Variants in PWWP2A observed in about 807,000 individuals in gnomAD.
PWWP2A encodes the protein PWWP domain-containing protein 2A.
PWWP2A carries 18 observed loss-of-function variants against 48.5 expected under a neutral mutation model. The observed-to-expected ratio is 0.37, with a 90% CI of 0.26 to 0.55. PWWP2A has a LOEUF of 0.55. PWWP2A is among the 20% of genes least tolerant of loss of function. The pLI is 0.81. For synonymous variants in PWWP2A, 396 were observed against 387.7 expected (o/e 1.02, Z -0.25); for missense variants, 867 against 976.4 (o/e 0.89, Z 1.49).
At chr5:160,048,215 G>A in the PWWP2A span, among the ~76,000 whole-genome samples, 5 of 128,158 alleles carry the variant, frequency 3.9e-5, no homozygotes, top group African/African-American at 1.2e-4. Context: ...TGATGCAATC[G>A]CCACTCACTG....
chr5:160,064,002 T>C, intron 4 of PWWP2A, among the ~76,000 whole-genome samples: 1 of 128,210 alleles, frequency 7.8e-6, no homozygotes, highest in African/African-American at 3.0e-5. Context: ...GGAGTCTCAC[T>C]CTGTCACCCA....
chr5:160,072,556 C>T (rs1457689460), downstream of PWWP2A, among the ~76,000 whole-genome samples: 3 of 151,968 alleles, frequency 2.0e-5, no homozygotes, highest in East Asian at 1.9e-4. Context: ...GAAACCCCGT[C>T]GCTACAAAAT....
intron 4 of PWWP2A, chr5:160,066,406 C>A (rs1753611921): frequency 6.7e-6 from 1 of 149,350 alleles, no homozygotes; most frequent in South Asian, 2.1e-4. Context: ...AAGCAATTCT[C>A]CTGCCTCAGC....
At chr5:160,096,108 T>G (rs1400418692) in intron 1 of PWWP2A, among the ~76,000 whole-genome samples, 1 of 152,210 alleles carries the variant, frequency 6.6e-6, no homozygotes, top group East Asian at 1.9e-4. Flanking sequence ...AGAGCCAGCA[T>G]ACACCAGGTA....
chr5:160,088,859 A>G (rs768473749), downstream of PWWP2A, among the ~76,000 whole-genome samples: 33 of 152,222 alleles, frequency 2.2e-4, no homozygotes, highest in Admixed American at 1.7e-3. Context: ...CCAATTCCCA[A>G]TTCAGTTATT....
chr5:160,069,493 G>C (rs1339054830), intron 2 of PWWP2A, among the ~76,000 whole-genome samples: 1 of 152,148 alleles, frequency 6.6e-6, no homozygotes, highest in East Asian at 1.9e-4. Context: ...TAAGTGTGTA[G>C]TTCTGGCAAA....
Position 160,093,964 on chromosome 5 carries a change from G to A in PWWP2A, c.686C>T (p.Thr229Ile). 6.2e-7 allele frequency: 1 copy of A among 1,614,026 alleles called. No individual in the cohort carries two copies. The highest frequency in any genetic ancestry group is 8.5e-7 in the Non-Finnish European group (1 of 1,179,890). ...PLQSNTFQEG[T>I]EVKCEANGAV... ...ACCATTTGCTTCACACTTGACTTCTGTCCCTTCTTGGAATGTATTACTTTG... is the reference window on the plus strand; with the variant it reads ...ACCATTTGCTTCACACTTGACTTCTATCCCTTCTTGGAATGTATTACTTTG... The change falls in exon 2 of 2, where the codon ACA becomes ATA. Residue 229 changes from threonine to isoleucine, a missense_variant. Physicochemically the swap from Thr to Ile is moderately conservative, Grantham distance 89. Coordinates refer to ENST00000307063, the MANE Select transcript of PWWP2A (RefSeq NM_001130864.2). This position sits in a 1 kb window ranked among gnomAD's most constrained non-coding sequence, Gnocchi z 5.8.
chr5:160,100,039 G>A (rs369554763), intron 1 of PWWP2A, among the ~76,000 whole-genome samples: 9 of 151,932 alleles, frequency 5.9e-5, no homozygotes, highest in East Asian at 2.0e-4. Context: ...AGTGGCTCAC[G>A]CCTGTAATCG....
At chr5:160,088,431 T>C (rs376574113), downstream of PWWP2A, among the ~76,000 whole-genome samples, 5 of 152,112 alleles carry the variant, frequency 3.3e-5, no homozygotes, top group South Asian at 2.1e-4. Flanking sequence ...CAGGGTTTAA[T>C]AGAGACGGGG....
At chr5:160,089,648 CA>C (rs1561663539), downstream of PWWP2A, 1 of 1,286,620 alleles carries the variant, frequency 7.8e-7, no homozygotes. Context: ...TGATGCTTTA[CA>C]TTTCTGAGAA....
the PWWP2A span, among the ~76,000 whole-genome samples, chr5:160,053,414 A>G: frequency 6.6e-6 from 1 of 152,202 alleles, no homozygotes; most frequent in African/African-American, 2.4e-5. Context: ...CACTAAAAAA[A>G]TTAGCCAGGT....
chr5:160,093,880 A>G lies in PWWP2A; in HGVS notation c.770T>C (p.Leu257Pro). The change falls in exon 2 of 2, where the codon CTG becomes CCG. Residue 257 changes from leucine to proline, a missense_variant. Around this residue, in one of 4 missense-constraint regions of PWWP2A, gnomAD observed 385 missense variants for 396.9 expected, o/e 0.97. Transcript: ENST00000307063. The surrounding 1 kb of genome is among the most constrained non-coding windows in gnomAD (Gnocchi z 5.8). ...GAGAGGTGGTGGTTTGGAAGTCCACAGGCTTTCAGCCAAGCTCAGCTCGGG... is the reference window on the plus strand; with the variant it reads ...GAGAGGTGGTGGTTTGGAAGTCCACGGGCTTTCAGCCAAGCTCAGCTCGGG... Reference protein sequence around the residue: ...PHPELSLAESLWTSKPPPLFH... With the variant: ...PHPELSLAESPWTSKPPPLFH... 1.2e-6 allele frequency: 2 copies of G among 1,614,106 alleles called. No homozygotes were observed. The highest frequency in any genetic ancestry group is 4.5e-5 in the East Asian group (2 of 44,896).
At chr5:160,057,422 C>T (rs1757573759), downstream of PWWP2A, among the ~76,000 whole-genome samples, 1 of 151,824 alleles carries the variant, frequency 6.6e-6, no homozygotes, top group African/African-American at 2.4e-5. The surrounding 1 kb of genome is among the most constrained non-coding windows in gnomAD (Gnocchi z 4.4). Context: ...AAAAAATGTA[C>T]ATACCTTAAT....
intron 1 of PWWP2A, among the ~76,000 whole-genome samples, chr5:160,097,828 G>A (rs1755847193): frequency 6.8e-6 from 1 of 147,912 alleles, no homozygotes; most frequent in Non-Finnish European, 1.5e-5. Flanking sequence ...CTATTCTCAT[G>A]CCTCAGCCAC....
downstream of PWWP2A, among the ~76,000 whole-genome samples, chr5:160,073,106 A>G (rs1434979190): frequency 1.3e-5 from 2 of 151,136 alleles, no homozygotes; most frequent in African/African-American, 4.9e-5. Flanking sequence ...GGATTTCTAC[A>G]CCTCATTTTG....
At chr5:160,044,415 C>T in the PWWP2A span, among the ~76,000 whole-genome samples, 1 of 152,210 alleles carries the variant, frequency 6.6e-6, no homozygotes, top group East Asian at 1.9e-4. Flanking sequence ...AGTATACTTA[C>T]AGTTATTTCT....
At chr5:160,057,316 G>A (rs576257528), downstream of PWWP2A, among the ~76,000 whole-genome samples, 13 of 152,026 alleles carry the variant, frequency 8.6e-5, no homozygotes, top group South Asian at 1.9e-3. This position sits in a 1 kb window ranked among gnomAD's most constrained non-coding sequence, Gnocchi z 4.4. Context: ...ACAATAAAGC[G>A]AGTCACAAGA....
In PWWP2A at chr5:160,119,164, C is replaced by G. The variant is rs780600087; in HGVS notation, c.225G>C (p.Pro75=). Residue 75 remains proline (P), a synonymous_variant, in exon 1 of 2, where the codon CCG becomes CCC. Coordinates refer to ENST00000307063, the MANE Select transcript of PWWP2A (RefSeq NM_001130864.2). ...CCTCTGGGCTGCGGGCGAGCTCCCCCGGCGGCGGCGGTGGCGGCGGGAGCG... is the reference window on the plus strand; with the variant it reads ...CCTCTGGGCTGCGGGCGAGCTCCCCGGGCGGCGGCGGTGGCGGCGGGAGCG... ...EPPLPPPPPP[P]GELARSPEAV... 3.9e-6 allele frequency: 6 copies of G among 1,525,626 alleles called. No individual in the cohort carries two copies. The highest frequency in any genetic ancestry group is 5.2e-6 in the Non-Finnish European group (6 of 1,152,676). 94.5% of individuals were successfully genotyped at this position (1,525,626 alleles called of 1,614,324 possible).
chr5:160,054,062 G>T, the PWWP2A span, among the ~76,000 whole-genome samples: 1 of 152,064 alleles, frequency 6.6e-6, no homozygotes, highest in Non-Finnish European at 1.5e-5. Context: ...CAGCTGGAGT[G>T]GGGGTTGGTT....
Sources: allele counts gnomAD v4.1 joint callset (sites outside exome capture counted in the v4.1 genomes callset), GRCh38; gene constraint gnomAD v4.1.1; regional missense constraint gnomAD v4.1.1; non-coding constraint Gnocchi (gnomAD v3.1); transcripts MANE v1.5; gene names NCBI Gene and HGNC (gene_info 2026-07-23, HGNC 2026-07-21).